Variants in VPS13A observed in about 807,000 individuals in gnomAD.
VPS13A encodes the protein vacuolar protein sorting 13 homolog A.
Under a neutral mutation model 390.9 loss-of-function variants are expected in VPS13A, and 264 were observed. The ratio of observed to expected loss-of-function variants is 0.68; its 90% CI spans 0.61 to 0.75. The LOEUF is 0.75. Ranked by LOEUF, VPS13A falls within the 30% of genes least tolerant of loss-of-function variation. VPS13A has a pLI of 0.00. For synonymous variants in VPS13A, 1,231 were observed against 1,227.1 expected (o/e 1.00, Z -0.07); for missense variants, 3,409 against 3,733.9 (o/e 0.91, Z 2.27).
chr9:77,398,401 A>C (rs1834206308), intron 68 of VPS13A, among the ~76,000 whole-genome samples: 1 of 152,160 alleles, frequency 6.6e-6, no homozygotes, highest in Admixed American at 6.5e-5. Context: ...CTAATTACAC[A>C]AGATGGTGAA....
chr9:77,183,538 G>A (rs1824150982), intron 1 of VPS13A, among the ~76,000 whole-genome samples: 1 of 152,194 alleles, frequency 6.6e-6, no homozygotes, highest in African/African-American at 2.4e-5. Flanking sequence ...CATCCATGTG[G>A]TAGTACAATC....
chr9:77,239,658 T>C (rs1174275007), intron 19 of VPS13A, among the ~76,000 whole-genome samples: 1 of 151,930 alleles, frequency 6.6e-6, no homozygotes, highest in African/African-American at 2.4e-5. Context: ...TAGGATTTTT[T>C]CCAATCTAGA....
At chr9:77,200,993 T>C (rs1306919874) in intron 2 of VPS13A, among the ~76,000 whole-genome samples, 1 of 152,182 alleles carries the variant, frequency 6.6e-6, no homozygotes, top group African/African-American at 2.4e-5. Context: ...GTTTATTTTT[T>C]ACAAAACGCG....
intron 2 of VPS13A, among the ~76,000 whole-genome samples, chr9:77,200,728 T>A (rs1239904178): frequency 6.6e-6 from 1 of 152,212 alleles, no homozygotes; most frequent in African/African-American, 2.4e-5. Context: ...TTCATTTTTT[T>A]AATTGCTTGT....
chr9:77,315,183 A>T, intron 37 of VPS13A, 70 bp from the exon 38 acceptor site: 1 of 1,353,136 alleles, frequency 7.4e-7, no homozygotes, highest in Non-Finnish European at 1.1e-6. Flanking sequence ...GAGGTCTTTG[A>T]GTTTTACTCA....
At position 77,283,360 on chromosome 9, in the gene VPS13A, A is replaced by C; in HGVS notation, c.3124A>C (p.Lys1042Gln). 6.3e-7 allele frequency: 1 copy of C among 1,586,896 alleles called. No homozygotes were observed. The highest frequency in any genetic ancestry group is 1.1e-5 in the South Asian group (1 of 89,464). The change falls in exon 30 of 72, where the codon AAA becomes CAA. Residue 1042 changes from lysine (K) to glutamine (Q), a missense_variant. This residue lies in a region of VPS13A where 2,717 missense variants were observed against 2,917.4 expected (regional missense o/e 0.93). Transcript: ENST00000360280. ...ATATGAATTTTTTTTTGCAGCTTTA[A>C]AACTATCCACAAATGAAGATATCAT... ...KGDVIKKLAL[K>Q]LSTNEDIITL...
chr9:77,314,672 T>C lies in VPS13A; in HGVS notation c.4412+8T>C. On this transcript the variant is annotated splice_region_variant and intron_variant, in intron 37 of 71. Coordinates refer to ENST00000360280, the MANE Select transcript of VPS13A (RefSeq NM_033305.3). ...CAAGAAAGCAACTCCTCGGTATGTA[T>C]TGTAATGATGTTCTAAGGTTTTACT... 1 of 1,609,826 alleles carries C rather than the reference T, an allele frequency of 6.2e-7. No homozygotes were observed. Among genetic ancestry groups the C allele is most frequent in the Non-Finnish European group, 8.5e-7 (1 of 1,176,716 alleles).
chr9:77,326,835 G>T (rs1487215779), intron 45 of VPS13A, among the ~76,000 whole-genome samples: 7 of 151,676 alleles, frequency 4.6e-5, no homozygotes, highest in Admixed American at 6.6e-5. Flanking sequence ...CTTTTAGACG[G>T]ATCTTTACTG....
At chr9:77,235,926 T>A (rs189697151) in intron 17 of VPS13A, among the ~76,000 whole-genome samples, 34 of 152,312 alleles carry the variant, frequency 2.2e-4, no homozygotes, top group Non-Finnish European at 1.5e-5. Context: ...TTACTTTGAG[T>A]ATCCATACAA....
chr9:77,319,085 C>T (rs569560080), intron 41 of VPS13A, among the ~76,000 whole-genome samples: 4 of 150,864 alleles, frequency 2.7e-5, no homozygotes, highest in East Asian at 3.9e-4. Flanking sequence ...CTTAGTTATT[C>T]GAGAGACTGA....
Position 77,303,647 on chromosome 9 carries a change from A to G in VPS13A, c.3960+585A>G, listed in dbSNP as rs1828517183. Among the ~76,000 whole-genome samples, 5 of 152,184 alleles carry G rather than the reference A, an allele frequency of 3.3e-5. No homozygotes were observed. In the South Asian group the frequency reaches 1.0e-3, roughly 32 times the overall value. On this transcript the variant is annotated intron_variant, in intron 34 of 71. Coordinates refer to ENST00000360280, the MANE Select transcript of VPS13A (RefSeq NM_033305.3). ...TTTCAGCAAAAAGGAATGTAGTAGGAAAGCAGGGTGGTAATAAGGAGAAGG... is the reference window on the plus strand; with the variant it reads ...TTTCAGCAAAAAGGAATGTAGTAGGGAAGCAGGGTGGTAATAAGGAGAAGG...
At chr9:77,306,910 A>ATTT (rs199833366) in intron 34 of VPS13A, among the ~76,000 whole-genome samples, 5 of 129,862 alleles carry the variant, frequency 3.9e-5, no homozygotes, top group African/African-American at 5.7e-5. Flanking sequence ...TTGGCTCTTT[A>ATTT]TTTTTTTTTT....
At chr9:77,262,886 T>C (rs1010178140) in intron 23 of VPS13A, among the ~76,000 whole-genome samples, 1 of 152,164 alleles carries the variant, frequency 6.6e-6, no homozygotes, top group African/African-American at 2.4e-5. Flanking sequence ...CAGTGCTGCA[T>C]TGAACATACA....
rs1456357565 is a variant in VPS13A, at chr9:77,228,375, C to T, written c.1595+111C>T. On this transcript the variant is annotated intron_variant, in intron 17 of 71. Coordinates refer to ENST00000360280, the MANE Select transcript of VPS13A (RefSeq NM_033305.3). ...AAAGAGCACTATAGTTTCATATATC[C>T]TTTTGTGGTTTCAGGAAAAAGGTTT... 3.7e-6 allele frequency: 4 copies of T among 1,081,244 alleles called. No individual in the cohort carries two copies. In the East Asian group the frequency reaches 8.2e-5, roughly 22 times the overall value. The allele number at this position is 1,081,244 out of a possible 1,614,324, so 67.0% of individuals were successfully genotyped here.
chr9:77,212,928 G>C (rs376299838), intron 7 of VPS13A, 41 bp from the exon 8 acceptor site: 24 of 1,599,890 alleles, frequency 1.5e-5, no homozygotes, highest in Non-Finnish European at 2.0e-5. Flanking sequence ...TGTTTCAAAT[G>C]GAATGACCTT....
Position 77,214,093 on chromosome 9 carries a change from T to C in VPS13A, c.697-236T>C, listed in dbSNP as rs151150023. On this transcript the variant is annotated intron_variant, in intron 9 of 71. Coordinates refer to ENST00000360280, the MANE Select transcript of VPS13A (RefSeq NM_033305.3). The stretch of plus-strand genomic sequence containing the variant: ...GAGTTCAAGACCAGCATAGCCAACA[T>C]GTTAAAACCCTGTCTCTACTAAAAA... 0.08 allele frequency among the ~76,000 whole-genome samples: 12,084 copies of C among 151,846 alleles called. 594 individuals carry two copies. The highest frequency in any genetic ancestry group is 0.11 in the East Asian group (589 of 5,132).
At chr9:77,306,459 GA>G (rs1377418815) in intron 34 of VPS13A, among the ~76,000 whole-genome samples, 1 of 137,868 alleles carries the variant, frequency 7.3e-6, no homozygotes, top group Admixed American at 7.6e-5. Context: ...TAAAGAGAGG[GA>G]AAAGGGAGAG....
chr9:77,414,208 A>T (rs1564003833), intron 71 of VPS13A, among the ~76,000 whole-genome samples: 1 of 152,230 alleles, frequency 6.6e-6, no homozygotes, highest in Non-Finnish European at 1.5e-5. Flanking sequence ...TGAACTAGAA[A>T]TACCATTTGA....
chr9:77,353,747 C>A, intron 54 of VPS13A, 106 bp downstream of exon 54: 1 of 1,143,410 alleles, frequency 8.7e-7, no homozygotes, highest in Non-Finnish European at 1.3e-6. Context: ...TGTGCTTTGA[C>A]TATTCATTGA....
Sources: gnomAD v4.1 joint callset for allele counts (sites outside exome capture counted in the v4.1 genomes callset) on GRCh38, gnomAD v4.1.1 for gene constraint, gnomAD v4.1.1 regional missense constraint, MANE v1.5 for transcripts, NCBI Gene and HGNC (gene_info 2026-07-23, HGNC 2026-07-21) for gene names.